The following SIPA1L1 variants were observed in gnomAD, a reference collection of about 807,000 sequenced individuals.
SIPA1L1 encodes the protein signal induced proliferation associated 1 like 1.
Under a neutral mutation model 162.7 loss-of-function variants are expected in SIPA1L1, and 26 were observed. The ratio of observed to expected loss-of-function variants is 0.16; its 90% CI spans 0.12 to 0.22. The LOEUF (loss-of-function observed/expected upper bound fraction) is 0.22, where lower values mean the gene tolerates loss of function less well. SIPA1L1 is among the 10% of genes least tolerant of loss of function. SIPA1L1 has a pLI of 1.00. For missense variants in SIPA1L1, 1,874 were observed against 2,241.0 expected, an observed-to-expected ratio of 0.84 and a Z score of 3.31; for synonymous variants, 829 against 837.4, an observed-to-expected ratio of 0.99 and a Z score of 0.17.
chr14:71,650,554 T>C (rs756255043), intron 8 of SIPA1L1, 45 bp downstream of exon 8: 1 of 1,559,210 alleles, frequency 6.4e-7, no homozygotes, highest in Non-Finnish European at 8.8e-7. Context: ...TTTCCCCCTG[T>C]TGTGCTGTTG....
chr14:71,635,270 A>C (rs2041024172), intron 7 of SIPA1L1, among the ~76,000 whole-genome samples: 1 of 152,112 alleles, frequency 6.6e-6, no homozygotes, highest in South Asian at 2.1e-4. Flanking sequence ...CAAAAGCGAA[A>C]CTCCATCTCA....
intron 2 of SIPA1L1, among the ~76,000 whole-genome samples, chr14:71,382,809 C>CAGT (rs2040012484): frequency 6.6e-6 from 1 of 152,072 alleles, no homozygotes; most frequent in Non-Finnish European, 1.5e-5. Flanking sequence ...TGGGGAAGAC[C>CAGT]AAGATCAGTA....
chr14:71,416,116 C>G (rs920114011), intron 2 of SIPA1L1: 2 of 152,054 alleles, frequency 1.3e-5, no homozygotes, highest in Admixed American at 6.6e-5. Context: ...GCTTCTGTGT[C>G]ATACAGCTAC....
intron 2 of SIPA1L1, among the ~76,000 whole-genome samples, chr14:71,442,172 CAAAAA>C (rs368432068): frequency 1.1e-3 from 29 of 26,080 alleles, no homozygotes; most frequent in African/African-American, 1.9e-3. Context: ...GACTCTGTCT[CAAAAA>C]AAAAAAAAAA....
chr14:71,722,446 A>G (rs2083830650), intron 17 of SIPA1L1, among the ~76,000 whole-genome samples: 1 of 152,202 alleles, frequency 6.6e-6, no homozygotes, highest in African/African-American at 2.4e-5. Context: ...GGGACCACAT[A>G]CTGTTAATTA....
chr14:71,508,432 A>G (rs2050852379), intron 2 of SIPA1L1, among the ~76,000 whole-genome samples: 1 of 152,128 alleles, frequency 6.6e-6, no homozygotes, highest in African/African-American at 2.4e-5. Flanking sequence ...CTTTATTTGG[A>G]AAAGGGATCT....
intron 4 of SIPA1L1, among the ~76,000 whole-genome samples, chr14:71,536,665 A>G (rs1248286274): frequency 6.6e-6 from 1 of 152,194 alleles, no homozygotes; most frequent in Non-Finnish European, 1.5e-5. Flanking sequence ...ACTGTCTTGG[A>G]AGATCTTTTG....
intron 2 of SIPA1L1, among the ~76,000 whole-genome samples, chr14:71,423,508 A>G (rs1013158064): frequency 6.6e-6 from 1 of 152,124 alleles, no homozygotes; most frequent in African/African-American, 2.4e-5. Flanking sequence ...TGTAAGTAGT[A>G]TTCACCTAAC....
intron 21 of SIPA1L1, 85 bp downstream of exon 21, chr14:71,733,897 C>A: frequency 7.1e-7 from 1 of 1,407,116 alleles, no homozygotes; most frequent in Non-Finnish European, 9.6e-7. Context: ...TCTGGACACA[C>A]TCAAAACATA....
intron 2 of SIPA1L1, among the ~76,000 whole-genome samples, chr14:71,461,779 G>T (rs1171243528): frequency 1.3e-5 from 2 of 152,200 alleles, no homozygotes; most frequent in African/African-American, 2.4e-5. Context: ...CTTCAGAGAT[G>T]TCCTAGAAAA....
At chr14:71,340,385 A>G (rs1401733630) in intron 2 of SIPA1L1, among the ~76,000 whole-genome samples, 1 of 151,734 alleles carries the variant, frequency 6.6e-6, no homozygotes, top group East Asian at 1.9e-4. Flanking sequence ...AATGACCATA[A>G]ATATCTTTTG....
Position 71,601,486 on chromosome 14 carries a change from A to G in SIPA1L1, c.1498+12116A>G, listed in dbSNP as rs934962281. On this transcript the variant is annotated intron_variant, in intron 5 of 23. Coordinates refer to ENST00000381232, the MANE Select transcript of SIPA1L1 (RefSeq NM_001386936.1). ...ATTTCTTTGGTGTGTTGTTGGATTC[A>G]GTTTGTTCATATTTTGTTGAACATT... Among the ~76,000 whole-genome samples the G allele has an allele frequency of 5.3e-5, 8 of 152,256 alleles. No homozygotes were observed. The South Asian group carries it at 1.7e-3, about 32-fold the overall frequency.
Position 71,427,325 on chromosome 14 carries a change from T to C in SIPA1L1, c.-464-85418T>C, listed in dbSNP as rs183444175. 9.5e-4 allele frequency among the ~76,000 whole-genome samples: 144 copies of C among 152,298 alleles called. 2 individuals are homozygous for C. Among genetic ancestry groups the C allele is most frequent in the African/African-American group, 3.3e-3 (136 of 41,562 alleles). On this transcript the variant is annotated intron_variant, in intron 2 of 23. Coordinates refer to ENST00000381232, the MANE Select transcript of SIPA1L1 (RefSeq NM_001386936.1). ...TAACATTCTGGTTGATAGGTTTGTT[T>C]GTTTGTTTTTTGCACTTTGAATATA... is the stretch of plus-strand genomic sequence containing the variant.
intron 2 of SIPA1L1, among the ~76,000 whole-genome samples, chr14:71,445,824 C>G (rs889674974): frequency 6.6e-6 from 1 of 152,094 alleles, no homozygotes; most frequent in Admixed American, 6.5e-5. Flanking sequence ...ATTGAAACCA[C>G]ATTGTTATGT....
intron 2 of SIPA1L1, among the ~76,000 whole-genome samples, chr14:71,459,193 G>A (rs2046403615): frequency 6.6e-6 from 1 of 152,184 alleles, no homozygotes; most frequent in Non-Finnish European, 1.5e-5. Context: ...TTAAAGGGGA[G>A]AGTAAGAGAG....
chr14:71,371,613 T>A (rs1314353561), intron 2 of SIPA1L1, among the ~76,000 whole-genome samples: 1 of 152,106 alleles, frequency 6.6e-6, no homozygotes, highest in African/African-American at 2.4e-5. Context: ...TTGTCCAGGC[T>A]GGTCTTCAGC....
At chr14:71,643,953 G>T (rs139974431) in intron 7 of SIPA1L1, among the ~76,000 whole-genome samples, 2 of 152,062 alleles carry the variant, frequency 1.3e-5, no homozygotes, top group Admixed American at 1.3e-4. Flanking sequence ...GATTACAGGC[G>T]CCCACCACCA....
intron 2 of SIPA1L1, among the ~76,000 whole-genome samples, chr14:71,497,497 C>T (rs2049885036): frequency 6.6e-6 from 1 of 152,204 alleles, no homozygotes; most frequent in African/African-American, 2.4e-5. Flanking sequence ...ACCTCTTTGC[C>T]TACCTATAAT....
At chr14:71,687,073 A>AG (rs1467636473) in intron 13 of SIPA1L1, among the ~76,000 whole-genome samples, 3 of 152,258 alleles carry the variant, frequency 2.0e-5, no homozygotes, top group Non-Finnish European at 4.4e-5. Flanking sequence ...TAACTATTTT[A>AG]GGTTACTAGG....
Sources: gnomAD v4.1 joint callset for allele counts (sites outside exome capture counted in the v4.1 genomes callset) on GRCh38, gnomAD v4.1.1 for gene constraint, MANE v1.5 for transcripts, NCBI Gene and HGNC (gene_info 2026-07-23, HGNC 2026-07-21) for gene names.